RNASE4: variants seen among roughly 807,000 people sequenced by gnomAD.
RNASE4 encodes ribonuclease A family member 4.
For synonymous variants in RNASE4, 93 were observed against 71.4 expected (o/e 1.30, Z -1.52); for missense variants, 194 against 192.8 (o/e 1.01, Z -0.04).
In RNASE4 at chr14:20,693,547, G is replaced by GA. The variant is rs1277482653; in HGVS notation, c.-17-5807dup. On this transcript the variant is annotated intron_variant, in intron 1 of 1. Transcript: ENST00000555835. ...CCACACCTCCTTTTGCCCTCCGCAG[G>GA]AGCCTGTGTTGGAAGAGATGGTGAT... 8 of 1,610,904 alleles carry GA rather than the reference G, an allele frequency of 5.0e-6. No individual in the cohort carries two copies. In the African/African-American group the frequency reaches 9.3e-5, roughly 19 times the overall value.
At chr14:20,688,312 C>T (rs572783497) in intron 1 of RNASE4, among the ~76,000 whole-genome samples, 27 of 152,080 alleles carry the variant, frequency 1.8e-4, no homozygotes, top group Admixed American at 6.5e-5. Context: ...GCTTAGCATC[C>T]GTTCATGAAA....
intron 1 of RNASE4, among the ~76,000 whole-genome samples, chr14:20,686,370 T>C (rs1243163540): frequency 6.6e-6 from 1 of 152,056 alleles, no homozygotes; most frequent in Non-Finnish European, 1.5e-5. Flanking sequence ...CAGGCAAGAG[T>C]AAGAGGTTTG....
intron 1 of RNASE4, among the ~76,000 whole-genome samples, chr14:20,690,244 A>G (rs1196215961): frequency 1.5e-4 from 23 of 149,846 alleles, no homozygotes; most frequent in East Asian, 3.9e-4. Flanking sequence ...AAAAAAAAAA[A>G]AAAAGAAAAG....
intron 1 of RNASE4, chr14:20,694,286 C>CTTTTT: frequency 6.5e-6 from 2 of 309,222 alleles, no homozygotes; most frequent in South Asian, 4.9e-5. Context: ...ATGCCTTTTT[C>CTTTTT]TTTTCTTTTC....
At chr14:20,685,821 C>G (rs1260633693) in intron 1 of RNASE4, among the ~76,000 whole-genome samples, 1 of 152,010 alleles carries the variant, frequency 6.6e-6, no homozygotes, top group African/African-American at 2.4e-5. Flanking sequence ...GTGGGTGCAT[C>G]ACAAGATCAG....
intron 1 of RNASE4, among the ~76,000 whole-genome samples, chr14:20,690,423 G>A (rs1886685927): frequency 6.6e-6 from 1 of 152,006 alleles, no homozygotes; most frequent in Admixed American, 6.6e-5. Context: ...CAAACGATCT[G>A]TCTCTTACTG....
chr14:20,695,400 A>AG (rs1887055468), intron 1 of RNASE4, among the ~76,000 whole-genome samples: 1 of 151,926 alleles, frequency 6.6e-6, no homozygotes, highest in South Asian at 2.1e-4. Flanking sequence ...ATCTCAAAAA[A>AG]AAAAAAAAAA....
chr14:20,694,608 C>T (rs1214709834), intron 1 of RNASE4, among the ~76,000 whole-genome samples: 2 of 152,070 alleles, frequency 1.3e-5, no homozygotes, highest in East Asian at 3.8e-4. Context: ...CCACTTTTTC[C>T]TTATCAGTCA....
Position 20,699,991 on chromosome 14 carries a change from ACCTGT to A in RNASE4, c.*177_*181del. The A allele has an allele frequency of 1.6e-6, 1 of 626,368 alleles. No individual in the cohort carries two copies. The highest frequency in any genetic ancestry group is 2.8e-6 in the Non-Finnish European group (1 of 352,002). The allele number at this position is 626,368 out of a possible 1,614,324, so 38.8% of individuals were successfully genotyped here. On this transcript the variant is annotated 3_prime_UTR_variant, in exon 2 of 2. Transcript: ENST00000555835. ...GCACCAAAGAGATATGGAGACATAA[ACCTGT>A]AATGAATGAGGCTGGGCTTTTCTGT...
At chr14:20,688,644 A>G (rs1265436010) in intron 1 of RNASE4, 3 of 976,024 alleles carry the variant, frequency 3.1e-6, no homozygotes, top group East Asian at 1.1e-4. Flanking sequence ...ATCTAACCCA[A>G]TCATGCCCAG....
At chr14:20,685,133 T>A (rs146973333) in intron 1 of RNASE4, among the ~76,000 whole-genome samples, 3,867 of 152,246 alleles carry the variant, frequency 0.025, 68 homozygotes, top group South Asian at 0.043. Flanking sequence ...AGGCCTTAGT[T>A]TTTTGCAAGC....
At chr14:20,693,512 C>T (rs1886913998) in intron 1 of RNASE4, 3 of 1,605,404 alleles carry the variant, frequency 1.9e-6, no homozygotes, top group Non-Finnish European at 8.5e-7. Flanking sequence ...TGATGCTGTT[C>T]TTGGGTCTAC....
chr14:20,693,929 C>T lies in RNASE4; in HGVS notation c.-17-5426C>T, dbSNP rs374766597. ...CCTCCATGCCAGTACCGAGCCACAG[C>T]GGGGTTCAGAAACGTTGTTGTTGCT... is the stretch of plus-strand genomic sequence containing the variant. On this transcript the variant is annotated intron_variant, in intron 1 of 1. Transcript: ENST00000555835. 1.1e-5 allele frequency: 17 copies of T among 1,614,094 alleles called. No individual in the cohort carries two copies. The highest frequency in any genetic ancestry group is 6.7e-5 in the Admixed American group (4 of 60,018).
In RNASE4 at chr14:20,699,366, A is replaced by G. The variant is rs754908062; in HGVS notation, c.-6A>G. On this transcript the variant is annotated 5_prime_UTR_variant, in exon 2 of 2. Transcript: ENST00000555835. ...GCTTTCTTTTCTAGGCACCTCTAAG[A>G]TACTGATGGCTCTGCAGAGGACCCA... The G allele has an allele frequency of 3.8e-6, 6 of 1,582,850 alleles. No individual in the cohort carries two copies. Among genetic ancestry groups the G allele is most frequent in the Non-Finnish European group, 5.2e-6 (6 of 1,163,018 alleles).
At chr14:20,692,465 A>G (rs538698813) in intron 1 of RNASE4, among the ~76,000 whole-genome samples, 3 of 152,354 alleles carry the variant, frequency 2.0e-5, no homozygotes, top group South Asian at 2.1e-4. Flanking sequence ...GAGGTCCCCA[A>G]ATCCCGGTCT....
In RNASE4 at chr14:20,684,720, T is replaced by C. The variant is rs1436317990; in HGVS notation, c.-56T>C. The stretch of plus-strand genomic sequence containing the variant: ...GGGTGAGAAACAAAACTTCTTTCCA[T>C]TGTCCTGCCCGTTTCTGCGGACTTG... On this transcript the variant is annotated 5_prime_UTR_variant, in exon 1 of 2. Coordinates refer to ENST00000555835, the MANE Select transcript of RNASE4 (RefSeq NM_002937.5). 6.6e-6 allele frequency: 1 copy of C among 152,372 alleles called. No individual in the cohort carries two copies. The highest frequency in any genetic ancestry group is 2.4e-5 in the African/African-American group (1 of 41,454). 9.4% of individuals were successfully genotyped at this position (152,372 alleles called of 1,614,324 possible). A position where few individuals can be genotyped will look rare whatever the true frequency, so the allele number is the denominator to read the frequency against.
In RNASE4 at chr14:20,693,697, C is replaced by G. The variant is rs746187039; in HGVS notation, c.-17-5658C>G. 1.2e-5 allele frequency: 20 copies of G among 1,614,128 alleles called. No individual in the cohort carries two copies. In the South Asian group the frequency reaches 2.2e-4, roughly 18 times the overall value. ...GCACTATGATGCCAAACCACAGGGCCGGGATGACAGATACTGTGAAAGCAT... is the reference window on the plus strand; with the variant it reads ...GCACTATGATGCCAAACCACAGGGCGGGGATGACAGATACTGTGAAAGCAT... On this transcript the variant is annotated intron_variant, in intron 1 of 1. Coordinates refer to ENST00000555835, the MANE Select transcript of RNASE4 (RefSeq NM_002937.5).
Position 20,700,184 on chromosome 14 carries a change from A to G in RNASE4, c.*369A>G, listed in dbSNP as rs1887248301. 1 of 186,390 alleles carries G rather than the reference A, an allele frequency of 5.4e-6. No homozygotes were observed. The highest frequency in any genetic ancestry group is 1.6e-4 in the South Asian group (1 of 6,278). The allele number at this position is 186,390 out of a possible 1,614,324, so 11.5% of individuals were successfully genotyped here. ...ACAGCACTTATAATGATGTCACTAC[A>G]TATAGAAGCTCAAAGTTAAGGGATT... On this transcript the variant is annotated 3_prime_UTR_variant, in exon 2 of 2. Coordinates refer to ENST00000555835, the MANE Select transcript of RNASE4 (RefSeq NM_002937.5).
chr14:20,692,397 C>T (rs913232218), intron 1 of RNASE4, among the ~76,000 whole-genome samples: 2 of 152,222 alleles, frequency 1.3e-5, no homozygotes, highest in Admixed American at 6.5e-5. Flanking sequence ...TAGCTAGAAG[C>T]CTGTCGTAAA....
Sources: allele counts gnomAD v4.1 joint callset (sites outside exome capture counted in the v4.1 genomes callset), GRCh38; gene constraint gnomAD v4.1.1; transcripts MANE v1.5; gene names NCBI Gene and HGNC (gene_info 2026-07-23, HGNC 2026-07-21).